SYNE2: variants seen among roughly 807,000 people sequenced by gnomAD.
SYNE2 encodes nesprin-2.
Under a neutral mutation model 856.3 loss-of-function variants are expected in SYNE2, and 431 were observed. The observed-to-expected ratio is 0.50, with a 90% confidence interval of 0.47 to 0.55. SYNE2 has a LOEUF of 0.55. SYNE2 is among the 20% of genes least tolerant of loss of function. SYNE2 has a pLI of 0.00. For synonymous variants in SYNE2, 2,923 were observed against 2,872.3 expected (o/e 1.02, Z -0.56); for missense variants, 8,129 against 8,023.2 (o/e 1.01, Z -0.50).
At chr14:63,944,178 C>T (rs1415074704) in intron 6 of SYNE2, among the ~76,000 whole-genome samples, 1 of 150,438 alleles carries the variant, frequency 6.6e-6, no homozygotes, top group Non-Finnish European at 1.5e-5. Flanking sequence ...ATATTTACAT[C>T]AATAATTAAT....
chr14:63,962,132 C>T (rs969696919), intron 9 of SYNE2, among the ~76,000 whole-genome samples: 2 of 151,918 alleles, frequency 1.3e-5, no homozygotes, highest in African/African-American at 4.8e-5. Context: ...TCTTGGCTTA[C>T]AGCAACCTCT....
intron 1 of SYNE2, among the ~76,000 whole-genome samples, chr14:63,793,330 C>T (rs1315548792): frequency 6.6e-6 from 1 of 152,210 alleles, no homozygotes; most frequent in Non-Finnish European, 1.5e-5. Context: ...ACTTTTGAGA[C>T]CTGACCTCCA....
At chr14:63,834,369 A>G (rs1012903582) in intron 1 of SYNE2, among the ~76,000 whole-genome samples, 12 of 152,004 alleles carry the variant, frequency 7.9e-5, no homozygotes. Context: ...TCTCAGAAAA[A>G]ATTTAAAAAA....
intron 66 of SYNE2, among the ~76,000 whole-genome samples, chr14:64,115,218 C>A (rs962625383): frequency 6.6e-6 from 1 of 152,148 alleles, no homozygotes; most frequent in Admixed American, 6.5e-5. Context: ...CCAGGCTGCT[C>A]AAGGAAAAGA....
Position 64,129,795 on chromosome 14 carries a change from A to G in SYNE2, c.14033A>G (p.Tyr4678Cys), listed in dbSNP as rs767286293. ...VAEQLQKADA[Y>C]TVELENAESR... ...TCTCTCACTTAGAAAGCAGATGCATATACAGTGGAGCTGGAGAACGCCGAG... is the reference window on the plus strand; with the variant it reads ...TCTCTCACTTAGAAAGCAGATGCATGTACAGTGGAGCTGGAGAACGCCGAG... The change falls in exon 75 of 116, where the codon TAT (tyrosine) becomes TGT (cysteine). Residue 4678 changes from tyrosine to cysteine, a missense_variant. Physicochemically the swap from Tyr to Cys is radical, Grantham distance 194. Transcript: ENST00000555002. 1.2e-6 allele frequency: 2 copies of G among 1,614,058 alleles called. No homozygotes were observed. The highest frequency in any genetic ancestry group is 1.7e-5 in the Admixed American group (1 of 60,002).
At chr14:63,761,989 A>G in intron 1 of SYNE2, 1 of 417,608 alleles carries the variant, frequency 2.4e-6, no homozygotes, top group South Asian at 2.0e-5. Flanking sequence ...CGTGAGAGGT[A>G]ATAGGTTTTG....
In SYNE2 at chr14:64,225,639, C is replaced by T; in HGVS notation, c.*113C>T. Reference sequence around the variant, plus strand: ...TGTTGGCAAGGTCCCGGGACCTGTGCAGACTTCTTCTGGGCTTACCCAGCA... The same window carrying T: ...TGTTGGCAAGGTCCCGGGACCTGTGTAGACTTCTTCTGGGCTTACCCAGCA... On this transcript the variant is annotated 3_prime_UTR_variant, in exon 116 of 116. Coordinates refer to ENST00000555002, the MANE Select transcript of SYNE2 (RefSeq NM_182914.3). 3 of 1,189,092 alleles carry T rather than the reference C, an allele frequency of 2.5e-6. No homozygotes were observed. The highest frequency in any genetic ancestry group is 5.1e-5 in the East Asian group (2 of 39,180). 73.7% of individuals were successfully genotyped at this position (1,189,092 alleles called of 1,614,324 possible). A position where few individuals can be genotyped will look rare whatever the true frequency, so the allele number is the denominator to read the frequency against.
At chr14:64,167,425 G>A in intron 91 of SYNE2, 38 bp downstream of exon 91, 1 of 1,614,234 alleles carries the variant, frequency 6.2e-7, no homozygotes, top group Non-Finnish European at 8.5e-7. Context: ...TTCAATTAAG[G>A]TAAAATTAAC....
At chr14:63,937,936 T>C (rs2095853264) in intron 2 of SYNE2, among the ~76,000 whole-genome samples, 1 of 152,130 alleles carries the variant, frequency 6.6e-6, no homozygotes, top group African/African-American at 2.4e-5. Context: ...GAGTTGTTGA[T>C]GAACTGAAAT....
At chr14:63,843,410 G>A (rs1410205547) in intron 1 of SYNE2, among the ~76,000 whole-genome samples, 1 of 151,960 alleles carries the variant, frequency 6.6e-6, no homozygotes, top group African/African-American at 2.4e-5. Context: ...AATTATCTTG[G>A]GTTTTCTAGG....
intron 105 of SYNE2, 110 bp from the exon 106 acceptor site, chr14:64,214,084 A>G (rs1317686881): frequency 1.6e-5 from 25 of 1,521,590 alleles, no homozygotes; most frequent in Non-Finnish European, 2.1e-5. Flanking sequence ...CCTTAGAAAT[A>G]CTATTGGCAG....
intron 1 of SYNE2, among the ~76,000 whole-genome samples, chr14:63,879,194 T>C (rs2094800214): frequency 1.3e-5 from 2 of 152,204 alleles, no homozygotes; most frequent in Admixed American, 1.3e-4. Flanking sequence ...TTTATCTCAA[T>C]AACAAAAGGC....
At chr14:64,144,644 C>G (rs1655488910) in intron 83 of SYNE2, among the ~76,000 whole-genome samples, 1 of 152,150 alleles carries the variant, frequency 6.6e-6, no homozygotes, top group South Asian at 2.1e-4. Flanking sequence ...GACAAAAACC[C>G]AAAGCTGTCA....
intron 54 of SYNE2, 129 bp downstream of exon 54, chr14:64,076,229 C>A: frequency 1.0e-6 from 1 of 969,290 alleles, no homozygotes. Context: ...GTTAAGTGAC[C>A]ATCGTGTCTA....
At chr14:63,815,217 C>CAT (rs1210733849) in intron 1 of SYNE2, among the ~76,000 whole-genome samples, 2 of 35,192 alleles carry the variant, frequency 5.7e-5, no homozygotes, top group Admixed American at 2.9e-4. Flanking sequence ...TATATATATC[C>CAT]ATATATATAT....
chr14:64,030,268 G>A (rs1045147313), intron 44 of SYNE2, among the ~76,000 whole-genome samples: 1 of 152,142 alleles, frequency 6.6e-6, no homozygotes, highest in Non-Finnish European at 1.5e-5. Context: ...CACTTGGTGG[G>A]CCCTCAGGGA....
At position 64,190,941 on chromosome 14, in the gene SYNE2, A is replaced by G. The variant is rs765992521; in HGVS notation, c.18038+704A>G. Reference sequence around the variant, plus strand: ...ACAAACTCCAGGTGGATGTTTTTTCAGTGGCCACGTGGCATACAGCGAACC... The same window carrying G: ...ACAAACTCCAGGTGGATGTTTTTTCGGTGGCCACGTGGCATACAGCGAACC... On this transcript the variant is annotated intron_variant, in intron 99 of 115. Transcript: ENST00000555002. 16 of 701,888 alleles carry G rather than the reference A, an allele frequency of 2.3e-5. No homozygotes were observed. In the South Asian group the frequency reaches 2.4e-4, roughly 10 times the overall value. The allele number at this position is 701,888 out of a possible 1,614,324, so 43.5% of individuals were successfully genotyped here.
chr14:63,978,335 C>T (rs1461323454), intron 13 of SYNE2, among the ~76,000 whole-genome samples: 1 of 152,090 alleles, frequency 6.6e-6, no homozygotes, highest in Non-Finnish European at 1.5e-5. Flanking sequence ...GATAATTGCC[C>T]TGTCCAGGTC....
At position 64,170,210 on chromosome 14, in the gene SYNE2, C is replaced by T. The variant is rs2098404195; in HGVS notation, c.17001-18C>T. Reference sequence around the variant, plus strand: ...ACATGTCGATGTCTGGATTCTATAACCATTTGTTTTTCCCCAGACCAGAAT... The same window carrying T: ...ACATGTCGATGTCTGGATTCTATAATCATTTGTTTTTCCCCAGACCAGAAT... On this transcript the variant is annotated intron_variant, in intron 93 of 115. Coordinates refer to ENST00000555002, the MANE Select transcript of SYNE2 (RefSeq NM_182914.3). 1 of 1,608,812 alleles carries T rather than the reference C, an allele frequency of 6.2e-7. No individual in the cohort carries two copies. Among genetic ancestry groups the T allele is most frequent in the Non-Finnish European group, 8.5e-7 (1 of 1,176,250 alleles).
Sources: gnomAD v4.1 joint callset for allele counts (sites outside exome capture counted in the v4.1 genomes callset) on GRCh38, gnomAD v4.1.1 for gene constraint, MANE v1.5 for transcripts, NCBI Gene and HGNC (gene_info 2026-07-23, HGNC 2026-07-21) for gene names.